CTNND2: variants seen among roughly 807,000 people sequenced by gnomAD.
CTNND2 encodes the protein catenin delta 2.
In CTNND2, 22 loss-of-function variants were observed where a neutral mutation model predicts 144.4. That is an observed-to-expected ratio of 0.15 (90% confidence interval 0.11 to 0.22). CTNND2 has a LOEUF of 0.22. Ranked by LOEUF, CTNND2 falls within the 10% of genes least tolerant of loss-of-function variation. CTNND2 has a pLI of 1.00. For synonymous variants in CTNND2, 751 were observed against 695.6 expected (o/e 1.08, Z -1.25); for missense variants, 1,353 against 1,618.8 (o/e 0.84, Z 2.82).
Position 11,808,786 on chromosome 5 carries a change from C to G in CTNND2, c.38-76514G>C, listed in dbSNP as rs1792149802. Among the ~76,000 whole-genome samples the G allele has an allele frequency of 3.3e-5, 5 of 152,204 alleles. No homozygotes were observed. In the South Asian group the frequency reaches 1.0e-3, roughly 32 times the overall value. On this transcript the variant is annotated intron_variant, in intron 1 of 21. Transcript: ENST00000304623. Reference sequence around the variant, plus strand: ...TCTCTAAGCCTGTTTGTTCAGGACCCTACTATTTTCTTAGTAAAAACAACA... The same window carrying G: ...TCTCTAAGCCTGTTTGTTCAGGACCGTACTATTTTCTTAGTAAAAACAACA...
At chr5:11,630,566 T>A (rs2126465220) in intron 2 of CTNND2, among the ~76,000 whole-genome samples, 1 of 152,360 alleles carries the variant, frequency 6.6e-6, no homozygotes, top group Non-Finnish European at 1.5e-5. Context: ...CTTACCCATT[T>A]ATGTGCTTTG....
intron 1 of CTNND2, among the ~76,000 whole-genome samples, chr5:11,742,020 A>G (rs1191143474): frequency 6.6e-6 from 1 of 151,830 alleles, no homozygotes; most frequent in East Asian, 1.9e-4. Flanking sequence ...AAGGCATAAT[A>G]ATAATACAAT....
chr5:11,683,263 A>G (rs1784500299), intron 2 of CTNND2, among the ~76,000 whole-genome samples: 1 of 152,244 alleles, frequency 6.6e-6, no homozygotes. Flanking sequence ...CTTCCATGTC[A>G]GAATGTAAAC....
intron 10 of CTNND2, among the ~76,000 whole-genome samples, chr5:11,232,132 C>T (rs1741094822): frequency 6.6e-6 from 1 of 152,236 alleles, no homozygotes; most frequent in Admixed American, 6.5e-5. Flanking sequence ...AATGTCCAGG[C>T]AGAGGTTTGT....
chr5:11,695,344 C>T lies in CTNND2; in HGVS notation c.174+36792G>A, dbSNP rs143412554. Among the ~76,000 whole-genome samples, 653 of 152,248 alleles carry T rather than the reference C, an allele frequency of 4.3e-3. 1 individual carries two copies. Among genetic ancestry groups the T allele is most frequent in the Non-Finnish European group, 6.0e-3 (408 of 68,022 alleles). ...ATCTCTCTGATCTATTGTTCAGTGG[C>T]AAGCAATGAGGGGAAAATCTTTGTG... is the stretch of plus-strand genomic sequence containing the variant. On this transcript the variant is annotated intron_variant, in intron 2 of 21. Transcript: ENST00000304623.
At chr5:11,621,753 T>G (rs1480552101) in intron 2 of CTNND2, among the ~76,000 whole-genome samples, 1 of 152,204 alleles carries the variant, frequency 6.6e-6, no homozygotes, top group Non-Finnish European at 1.5e-5. Context: ...CATTAATATC[T>G]TGGGAAGAGT....
intron 14 of CTNND2, among the ~76,000 whole-genome samples, chr5:11,099,676 T>C (rs1751689860): frequency 6.6e-6 from 1 of 152,174 alleles, no homozygotes; most frequent in Admixed American, 6.5e-5. Flanking sequence ...TCTATTACTC[T>C]TAACAATTTA....
chr5:11,526,554 G>T (rs144563887), intron 3 of CTNND2, among the ~76,000 whole-genome samples: 1 of 152,218 alleles, frequency 6.6e-6, no homozygotes, highest in East Asian at 1.9e-4. Context: ...GTAGAATCAC[G>T]CCAGCCACCA....
chr5:11,217,465 T>C (rs1293243780), intron 10 of CTNND2, among the ~76,000 whole-genome samples: 1 of 152,220 alleles, frequency 6.6e-6, no homozygotes, highest in Non-Finnish European at 1.5e-5. Flanking sequence ...TAAAGAGTCA[T>C]AGGCAGTGCC....
intron 12 of CTNND2, among the ~76,000 whole-genome samples, chr5:11,119,074 G>A (rs1051929410): frequency 6.6e-6 from 1 of 152,108 alleles, no homozygotes; most frequent in Admixed American, 6.5e-5. Flanking sequence ...CTGGAGGGTA[G>A]AAGGCATGTC....
intron 9 of CTNND2, among the ~76,000 whole-genome samples, chr5:11,312,996 C>T (rs1751146839): frequency 6.6e-6 from 1 of 152,078 alleles, no homozygotes; most frequent in African/African-American, 2.4e-5. Context: ...TGGCCCTGAG[C>T]ACATCCATTG....
At chr5:11,422,086 G>A (rs1762410429) in intron 3 of CTNND2, among the ~76,000 whole-genome samples, 1 of 152,152 alleles carries the variant, frequency 6.6e-6, no homozygotes, top group Admixed American at 6.5e-5. Flanking sequence ...CTGAGAGAGT[G>A]CAGCTAATTC....
At chr5:11,282,355 A>G (rs1747240753) in intron 9 of CTNND2, among the ~76,000 whole-genome samples, 1 of 152,202 alleles carries the variant, frequency 6.6e-6, no homozygotes, top group Non-Finnish European at 1.5e-5. Flanking sequence ...CTCAACAGGG[A>G]GAGTTAAGAG....
At chr5:11,430,681 A>G (rs1763216344) in intron 3 of CTNND2, among the ~76,000 whole-genome samples, 1 of 152,214 alleles carries the variant, frequency 6.6e-6, no homozygotes, top group African/African-American at 2.4e-5. Flanking sequence ...TTTAATTAAC[A>G]TACTCATACA....
chr5:11,464,295 G>A (rs1766469362), intron 3 of CTNND2, among the ~76,000 whole-genome samples: 1 of 152,184 alleles, frequency 6.6e-6, no homozygotes, highest in African/African-American at 2.4e-5. Context: ...GGGACAGAAA[G>A]TGTCAAGGGT....
intron 1 of CTNND2, among the ~76,000 whole-genome samples, chr5:11,901,816 G>A (rs547152426): frequency 3.3e-5 from 5 of 152,150 alleles, no homozygotes; most frequent in Non-Finnish European, 7.3e-5. Flanking sequence ...CAGGCACAGA[G>A]CAGTATCAAC....
At chr5:10,994,866 C>T (rs1300568181) in intron 18 of CTNND2, among the ~76,000 whole-genome samples, 8 of 152,072 alleles carry the variant, frequency 5.3e-5, no homozygotes, top group East Asian at 1.9e-4. Context: ...TGGTGGGAAG[C>T]GTGCAGATCT....
At chr5:11,069,768 G>A (rs1344572106) in intron 16 of CTNND2, among the ~76,000 whole-genome samples, 6 of 152,160 alleles carry the variant, frequency 3.9e-5, no homozygotes, top group Non-Finnish European at 4.4e-5. Flanking sequence ...CTGGGCAATA[G>A]TATACGGAGT....
chr5:11,369,750 T>C (rs1454851836), intron 7 of CTNND2, among the ~76,000 whole-genome samples: 1 of 152,080 alleles, frequency 6.6e-6, no homozygotes. Flanking sequence ...AGAAAAGAGA[T>C]AAAGTGTCAG....
Sources: gnomAD v4.1 joint callset for allele counts (sites outside exome capture counted in the v4.1 genomes callset) on GRCh38, gnomAD v4.1.1 for gene constraint, MANE v1.5 for transcripts, NCBI Gene and HGNC (gene_info 2026-07-23, HGNC 2026-07-21) for gene names.